DLC1: variants seen among roughly 807,000 people sequenced by gnomAD.
The protein encoded by DLC1 is rho GTPase-activating protein 7.
A neutral mutation model predicts 140.3 loss-of-function variants in DLC1; 54 were observed. That is an observed-to-expected ratio of 0.38 (90% CI 0.31 to 0.48). The LOEUF is 0.48. DLC1 is among the 20% of genes least tolerant of loss of function. The pLI is 0.96. For missense variants in DLC1, 2,536 were observed against 1,907.0 expected (o/e 1.33, Z -6.14); for synonymous variants, 986 against 728.1 (o/e 1.35, Z -5.70).
At chr8:13,371,303 C>G (rs186754752) in intron 4 of DLC1, among the ~76,000 whole-genome samples, 1 of 152,238 alleles carries the variant, frequency 6.6e-6, no homozygotes, top group Non-Finnish European at 1.5e-5. Flanking sequence ...GTCTCCCTCC[C>G]TAAAGTCATT....
At chr8:13,204,751 C>A (rs1379237911) in intron 5 of DLC1, among the ~76,000 whole-genome samples, 1 of 152,210 alleles carries the variant, frequency 6.6e-6, no homozygotes, top group East Asian at 1.9e-4. Context: ...CAGATTTCAC[C>A]AATTACTTGT....
At chr8:13,391,851 A>G (rs1475514504) in intron 4 of DLC1, among the ~76,000 whole-genome samples, 4 of 151,682 alleles carry the variant, frequency 2.6e-5, no homozygotes, top group Admixed American at 2.6e-4. Context: ...AAAGTGAATT[A>G]AATAATAAAT....
At chr8:13,188,419 CAAAAAA>C (rs1178090798) in intron 5 of DLC1, among the ~76,000 whole-genome samples, 2 of 58,982 alleles carry the variant, frequency 3.4e-5, no homozygotes, top group Non-Finnish European at 5.9e-5. Flanking sequence ...GACTCCGTCT[CAAAAAA>C]AAAAAAAAAA....
chr8:13,436,196 A>G (rs1839116012), intron 2 of DLC1, among the ~76,000 whole-genome samples: 1 of 152,216 alleles, frequency 6.6e-6, no homozygotes, highest in South Asian at 2.1e-4. Context: ...ATATCTGCAA[A>G]ACATGCCTGC....
At chr8:13,209,889 T>C (rs373853853) in intron 5 of DLC1, among the ~76,000 whole-genome samples, 2 of 152,148 alleles carry the variant, frequency 1.3e-5, no homozygotes, top group African/African-American at 2.4e-5. Flanking sequence ...ACCTCTTTTT[T>C]TGCAAATTAC....
intron 5 of DLC1, among the ~76,000 whole-genome samples, chr8:13,282,869 A>G (rs965635206): frequency 3.9e-5 from 6 of 152,190 alleles, no homozygotes; most frequent in African/African-American, 1.4e-4. Context: ...TGCTGTTTCT[A>G]AATTAGAAGA....
chr8:13,281,274 A>C (rs1009664414), intron 5 of DLC1, among the ~76,000 whole-genome samples: 18 of 152,214 alleles, frequency 1.2e-4, no homozygotes, highest in African/African-American at 4.3e-4. Context: ...TTGGGTGAGA[A>C]TCTTCTTTGT....
At chr8:13,376,377 C>T (rs1389422503) in intron 4 of DLC1, among the ~76,000 whole-genome samples, 2 of 152,120 alleles carry the variant, frequency 1.3e-5, no homozygotes, top group Non-Finnish European at 2.9e-5. Context: ...TCTAAGTAAG[C>T]ACTCTGGTGA....
chr8:13,529,533 C>G (rs574664019), intron 1 of DLC1, among the ~76,000 whole-genome samples: 1 of 152,226 alleles, frequency 6.6e-6, no homozygotes, highest in African/African-American at 2.4e-5. Context: ...ATTCGTACCT[C>G]TATTCAACAT....
intron 5 of DLC1, among the ~76,000 whole-genome samples, chr8:13,181,208 C>G (rs1428895970): frequency 1.3e-5 from 2 of 152,114 alleles, no homozygotes; most frequent in Non-Finnish European, 2.9e-5. Flanking sequence ...AACCTTTGCA[C>G]TTACTGTTTG....
At chr8:13,466,265 G>C (rs911661549) in intron 2 of DLC1, among the ~76,000 whole-genome samples, 4 of 152,182 alleles carry the variant, frequency 2.6e-5, no homozygotes, top group African/African-American at 9.7e-5. Flanking sequence ...CGCTGAGCCT[G>C]CGTGTTCTGG....
chr8:13,176,847 C>G (rs994473880), intron 5 of DLC1, among the ~76,000 whole-genome samples: 1 of 151,986 alleles, frequency 6.6e-6, no homozygotes, highest in Non-Finnish European at 1.5e-5. Flanking sequence ...TACATGTGAA[C>G]AAATGAGATA....
At chr8:13,491,359 G>T (rs17094050) in intron 2 of DLC1, among the ~76,000 whole-genome samples, 16,317 of 151,838 alleles carry the variant, frequency 0.11, 1,098 homozygotes, top group South Asian at 0.25. Flanking sequence ...AAAAGCTATG[G>T]AATTTCTAGA....
At chr8:13,520,103 C>A (rs113350120) in intron 1 of DLC1, among the ~76,000 whole-genome samples, 9,461 of 152,244 alleles carry the variant, frequency 0.062, 831 homozygotes, top group East Asian at 0.39. Flanking sequence ...TACCATTTGA[C>A]CCTGCAATCC....
intron 1 of DLC1, among the ~76,000 whole-genome samples, chr8:13,586,377 A>G (rs1435767562): frequency 2.0e-5 from 3 of 152,130 alleles, no homozygotes; most frequent in Middle Eastern, 3.2e-3. Flanking sequence ...GACCGATTGA[A>G]CAGTAGAGGG....
intron 2 of DLC1, among the ~76,000 whole-genome samples, chr8:13,441,220 G>C (rs1426699839): frequency 6.6e-6 from 1 of 152,092 alleles, no homozygotes; most frequent in East Asian, 1.9e-4. Context: ...AAAATAATAA[G>C]AGCTATCTAT....
At chr8:13,403,754 A>C (rs1011078424) in intron 2 of DLC1, among the ~76,000 whole-genome samples, 1 of 144,212 alleles carries the variant, frequency 6.9e-6, no homozygotes, top group Non-Finnish European at 1.5e-5. Context: ...TGATCCTTCT[A>C]TCTCAGCCTC....
At chr8:13,164,428 A>G (rs1379935306) in intron 5 of DLC1, among the ~76,000 whole-genome samples, 2 of 152,142 alleles carry the variant, frequency 1.3e-5, no homozygotes, top group Non-Finnish European at 2.9e-5. Flanking sequence ...TTCATGGTCC[A>G]ATGTAGAATG....
At chr8:13,506,425 C>G (rs1461233068) in intron 1 of DLC1, among the ~76,000 whole-genome samples, 2 of 151,322 alleles carry the variant, frequency 1.3e-5, no homozygotes, top group African/African-American at 4.9e-5. Context: ...TTACTTCTTC[C>G]TTAGATAGCT....
Sources: gnomAD v4.1 joint callset for allele counts (sites outside exome capture counted in the v4.1 genomes callset) on GRCh38, gnomAD v4.1.1 for gene constraint, MANE v1.5 for transcripts, NCBI Gene and HGNC (gene_info 2026-07-23, HGNC 2026-07-21) for gene names.